ADAMTS12: variants seen among roughly 807,000 people sequenced by gnomAD.
ADAMTS12 encodes the protein A disintegrin and metalloproteinase with thrombospondin motifs 12.
A neutral mutation model predicts 167.8 loss-of-function variants in ADAMTS12; 118 were observed. The observed-to-expected ratio is 0.70, with a 90% CI of 0.61 to 0.82. ADAMTS12 has a LOEUF of 0.82. ADAMTS12 is among the 40% of genes least tolerant of loss of function. The probability of loss-of-function intolerance (pLI) is 0.00; values close to 1 mark genes in which losing one functional copy is unlikely to be tolerated. For missense variants in ADAMTS12, 1,916 were observed against 1,998.8 expected (o/e 0.96, Z 0.79); for synonymous variants, 704 against 716.9 (o/e 0.98, Z 0.29).
At chr5:33,535,740 AT>A (rs1460111442) in intron 22 of ADAMTS12, among the ~76,000 whole-genome samples, 1 of 152,006 alleles carries the variant, frequency 6.6e-6, no homozygotes, top group East Asian at 1.9e-4. Flanking sequence ...ACTAATTTTG[AT>A]TTGGGGCTGG....
At chr5:33,766,489 C>G (rs1745539007) in intron 2 of ADAMTS12, among the ~76,000 whole-genome samples, 1 of 152,054 alleles carries the variant, frequency 6.6e-6, no homozygotes, top group South Asian at 2.1e-4. Context: ...CTAGTGAACC[C>G]TAAATAAAGT....
chr5:33,710,311 C>T (rs889120443), intron 3 of ADAMTS12, among the ~76,000 whole-genome samples: 1 of 152,156 alleles, frequency 6.6e-6, no homozygotes, highest in African/African-American at 2.4e-5. Flanking sequence ...CAACCATTGC[C>T]ATATAAGACA....
At chr5:33,744,253 G>C (rs2112377815) in intron 3 of ADAMTS12, among the ~76,000 whole-genome samples, 1 of 152,322 alleles carries the variant, frequency 6.6e-6, no homozygotes, top group South Asian at 2.1e-4. Context: ...TGGAAGCCAT[G>C]CATGGGTCTC....
intron 16 of ADAMTS12, among the ~76,000 whole-genome samples, chr5:33,604,250 A>G (rs1213306678): frequency 6.6e-6 from 1 of 152,288 alleles, no homozygotes; most frequent in East Asian, 1.9e-4. Context: ...GATAAAAATC[A>G]TCTGAAGGAG....
chr5:33,675,486 G>GA (rs1330369847), intron 5 of ADAMTS12, among the ~76,000 whole-genome samples: 1 of 152,130 alleles, frequency 6.6e-6, no homozygotes, highest in Non-Finnish European at 1.5e-5. Flanking sequence ...TTGATGAAGA[G>GA]AAAAAATGCT....
At chr5:33,648,786 G>A (rs372271931) in intron 9 of ADAMTS12, 36 bp downstream of exon 9, 4 of 1,611,596 alleles carry the variant, frequency 2.5e-6, no homozygotes, top group Non-Finnish European at 3.4e-6. Flanking sequence ...CTGGAGATCT[G>A]AAGCCCTGCA....
At chr5:33,870,030 T>C (rs1749974709) in intron 2 of ADAMTS12, among the ~76,000 whole-genome samples, 1 of 152,206 alleles carries the variant, frequency 6.6e-6, no homozygotes, top group Admixed American at 6.5e-5. Context: ...GTGATATTTC[T>C]CTTACCAGTT....
chr5:33,830,800 T>C (rs1465496836), intron 2 of ADAMTS12, among the ~76,000 whole-genome samples: 3 of 152,098 alleles, frequency 2.0e-5, no homozygotes, highest in Admixed American at 6.6e-5. Flanking sequence ...TGTATATATA[T>C]AGCTTTCATT....
chr5:33,736,590 C>T (rs756640237), intron 3 of ADAMTS12, among the ~76,000 whole-genome samples: 53 of 152,262 alleles, frequency 3.5e-4, no homozygotes, highest in Non-Finnish European at 6.5e-4. Context: ...AAAGTAACCT[C>T]GACATTTCCC....
chr5:33,579,898 C>T (rs1324092512), intron 18 of ADAMTS12, among the ~76,000 whole-genome samples: 1 of 152,206 alleles, frequency 6.6e-6, no homozygotes, highest in African/African-American at 2.4e-5. Flanking sequence ...CCAATTTCTA[C>T]TGCCCTTGTG....
At chr5:33,798,899 T>G (rs942264866) in intron 2 of ADAMTS12, among the ~76,000 whole-genome samples, 3 of 152,192 alleles carry the variant, frequency 2.0e-5, no homozygotes, top group African/African-American at 7.2e-5. Context: ...CTATAACAGA[T>G]AGCATCACCT....
At chr5:33,759,343 C>G (rs1296246237) in intron 2 of ADAMTS12, among the ~76,000 whole-genome samples, 1 of 152,240 alleles carries the variant, frequency 6.6e-6, no homozygotes, top group Admixed American at 6.5e-5. Flanking sequence ...GTCTGTTTTT[C>G]TCTAGTAAAA....
chr5:33,812,765 A>C (rs1747508106), intron 2 of ADAMTS12, among the ~76,000 whole-genome samples: 1 of 152,316 alleles, frequency 6.6e-6, no homozygotes, highest in South Asian at 2.1e-4. Context: ...TCATTTATCC[A>C]TTCAATTATT....
At chr5:33,772,583 A>G (rs1305925382) in intron 2 of ADAMTS12, among the ~76,000 whole-genome samples, 1 of 152,222 alleles carries the variant, frequency 6.6e-6, no homozygotes, top group Non-Finnish European at 1.5e-5. Flanking sequence ...GCCTGTATGC[A>G]TACATAACAA....
At chr5:33,638,635 A>T (rs539985489) in intron 11 of ADAMTS12, among the ~76,000 whole-genome samples, 1 of 152,154 alleles carries the variant, frequency 6.6e-6, no homozygotes, top group African/African-American at 2.4e-5. Context: ...TCTCCTCTTC[A>T]GTGACACTTT....
chr5:33,537,713 G>C (rs1744486099), intron 22 of ADAMTS12, among the ~76,000 whole-genome samples: 3 of 152,162 alleles, frequency 2.0e-5, no homozygotes, highest in Non-Finnish European at 4.4e-5. Context: ...CCAGCCTATT[G>C]TGCCTCACAT....
intron 13 of ADAMTS12, among the ~76,000 whole-genome samples, chr5:33,630,050 T>C (rs1739848441): frequency 6.6e-6 from 1 of 152,196 alleles, no homozygotes. Context: ...TAAATGATGG[T>C]GTTGAGTTCA....
At chr5:33,864,049 T>G (rs1309722508) in intron 2 of ADAMTS12, among the ~76,000 whole-genome samples, 4 of 152,104 alleles carry the variant, frequency 2.6e-5, no homozygotes, top group Admixed American at 1.3e-4. Flanking sequence ...TATACAAAAA[T>G]TAACTCAAGA....
chr5:33,622,897 A>G (rs904625314), intron 14 of ADAMTS12, among the ~76,000 whole-genome samples: 11 of 152,224 alleles, frequency 7.2e-5, no homozygotes, highest in Non-Finnish European at 1.3e-4. Context: ...TAATAAAGCT[A>G]TCAATCAAAG....
Sources: gnomAD v4.1 joint callset for allele counts (sites outside exome capture counted in the v4.1 genomes callset) on GRCh38, gnomAD v4.1.1 for gene constraint, MANE v1.5 for transcripts, NCBI Gene and HGNC (gene_info 2026-07-23, HGNC 2026-07-21) for gene names.